NEBL: variants seen among roughly 807,000 people sequenced by gnomAD.
NEBL encodes nebulette, also known as LIM and SH3 protein 2.
NEBL carries 122 observed loss-of-function variants against 140.2 expected under a neutral mutation model. The observed-to-expected ratio is 0.87, with a 90% CI of 0.75 to 1.01. The LOEUF is 1.01. Ranked by LOEUF, NEBL falls within the 50% of genes least tolerant of loss-of-function variation. The probability of loss-of-function intolerance (pLI) is 0.00; values close to 1 mark genes in which losing one functional copy is unlikely to be tolerated. For missense variants in NEBL, 1,365 were observed against 1,231.3 expected (o/e 1.11, Z -1.62); for synonymous variants, 436 against 398.9 (o/e 1.09, Z -1.11).
Position 20,860,561 on chromosome 10 carries a change from C to CAAAAAAAAAAAAAAAA in NEBL, c.685-736_685-735insTTTTTTTTTTTTTTTT, listed in dbSNP as rs879306514. Among the ~76,000 whole-genome samples, 4 of 61,934 alleles carry CAAAAAAAAAAAAAAAA rather than the reference C, an allele frequency of 6.5e-5. 2 individuals carry two copies. The highest frequency in any genetic ancestry group is 1.3e-4 in the African/African-American group (2 of 15,158). 40.6% of individuals were successfully genotyped at this position (61,934 alleles called of 152,430 possible). ...TTAGAATATAAACACAAGTTCACTACAAAAAGAAAAAAAAAAAAAAAAAAA... is the reference window on the plus strand; with the variant it reads ...TTAGAATATAAACACAAGTTCACTACAAAAAAAAAAAAAAAAAAAAAGAAAAAAAAAAAAAAAAAAA... On this transcript the variant is annotated intron_variant, in intron 7 of 27. Transcript: ENST00000377122.
intron 3 of NEBL, chr10:20,961,890 C>A: frequency 1.2e-6 from 1 of 805,042 alleles, no homozygotes; most frequent in Non-Finnish European, 2.1e-6. Flanking sequence ...AAACACAGAT[C>A]TCAGCCGGAG....
At chr10:21,020,324 G>T in intron 2 of NEBL, 2 of 815,782 alleles carry the variant, frequency 2.5e-6, no homozygotes, top group Non-Finnish European at 4.1e-6. Context: ...AGGGACCTGA[G>T]CTTGGCTAAG....
At chr10:21,222,216 T>C (rs1207384144) in intron 3 of NEBL, among the ~76,000 whole-genome samples, 1 of 150,790 alleles carries the variant, frequency 6.6e-6, no homozygotes, top group African/African-American at 2.4e-5. Context: ...GAGGCCGAGG[T>C]GGGAGAATCG....
intron 26 of NEBL, among the ~76,000 whole-genome samples, chr10:20,802,306 T>C (rs755118423): frequency 6.6e-6 from 1 of 152,188 alleles, no homozygotes; most frequent in South Asian, 2.1e-4. Flanking sequence ...AGGATCCTTT[T>C]CACCAAAGGA....
chr10:20,810,961 A>G (rs1838082029), intron 24 of NEBL, among the ~76,000 whole-genome samples: 1 of 152,214 alleles, frequency 6.6e-6, no homozygotes. Flanking sequence ...AGCTTGGCCA[A>G]GGTTACACAG....
intron 2 of NEBL, among the ~76,000 whole-genome samples, chr10:21,083,876 T>C (rs1394268345): frequency 2.6e-5 from 4 of 152,120 alleles, no homozygotes; most frequent in African/African-American, 9.7e-5. Context: ...GCTACACTCT[T>C]ACAGGTCTGC....
chr10:21,090,911 C>T (rs975656376), intron 2 of NEBL, among the ~76,000 whole-genome samples: 6 of 152,148 alleles, frequency 3.9e-5, no homozygotes, highest in African/African-American at 7.2e-5. Flanking sequence ...CAGACACTTC[C>T]GGCTCAACAA....
intron 1 of NEBL, among the ~76,000 whole-genome samples, chr10:21,279,042 A>G (rs1453497863): frequency 6.6e-6 from 1 of 152,168 alleles, no homozygotes; most frequent in Non-Finnish European, 1.5e-5. Context: ...TTATGTGTGT[A>G]CTGTGCCTTA....
intron 2 of NEBL, among the ~76,000 whole-genome samples, chr10:21,250,161 T>C (rs1205139671): frequency 6.6e-6 from 1 of 152,202 alleles, no homozygotes; most frequent in Non-Finnish European, 1.5e-5. Flanking sequence ...TGATCCTTGG[T>C]GTGTCTGTGA....
chr10:20,896,887 C>A, intron 2 of NEBL, 71 bp downstream of exon 2: 1 of 1,255,116 alleles, frequency 8.0e-7, no homozygotes, highest in South Asian at 1.2e-5. Context: ...CCCCACAGCT[C>A]TATGACTCTA....
At chr10:21,215,569 A>G (rs1406483855) in intron 3 of NEBL, among the ~76,000 whole-genome samples, 3 of 152,244 alleles carry the variant, frequency 2.0e-5, no homozygotes, top group African/African-American at 7.2e-5. Context: ...TGCAAGTGCC[A>G]CAAAAGGCAA....
Position 21,057,296 on chromosome 10 carries a change from A to ATG in NEBL, c.165-37097_165-37096dup, listed in dbSNP as rs112107727. Among the ~76,000 whole-genome samples, 39 of 152,192 alleles carry ATG rather than the reference A, an allele frequency of 2.6e-4. 1 individual carries two copies. Among genetic ancestry groups the ATG allele is most frequent in the African/African-American group, 8.7e-4 (36 of 41,532 alleles). Reference sequence around the variant, plus strand: ...TGACTTTTGGCGGTAAGGCAGAGTAATGTGTGTAAGTAGTATTAATAGCAG... The same window carrying ATG: ...TGACTTTTGGCGGTAAGGCAGAGTAATGTGTGTGTAAGTAGTATTAATAGCAG... On this transcript the variant is annotated intron_variant, in intron 2 of 6. Coordinates refer to the NEBL transcript ENST00000417816.
At chr10:21,147,964 T>C (rs1839973149) in intron 2 of NEBL, among the ~76,000 whole-genome samples, 1 of 152,226 alleles carries the variant, frequency 6.6e-6, no homozygotes, top group Non-Finnish European at 1.5e-5. Context: ...GATACAATAA[T>C]GTCCAGAAAA....
chr10:21,153,707 G>A (rs918021857), intron 2 of NEBL, among the ~76,000 whole-genome samples: 1 of 151,922 alleles, frequency 6.6e-6, no homozygotes, highest in African/African-American at 2.4e-5. Context: ...GTACAGACGG[G>A]GTTTCACCAT....
intron 7 of NEBL, among the ~76,000 whole-genome samples, chr10:20,861,528 C>T (rs1235485535): frequency 6.6e-6 from 1 of 152,148 alleles, no homozygotes. Flanking sequence ...ACCATATTTT[C>T]GTCACTGGTT....
At chr10:20,989,515 T>C (rs915583175) in intron 3 of NEBL, among the ~76,000 whole-genome samples, 1 of 152,186 alleles carries the variant, frequency 6.6e-6, no homozygotes, top group African/African-American at 2.4e-5. Flanking sequence ...CAGTAATTTA[T>C]ATGGATGAAT....
At chr10:21,062,846 T>C (rs1320470873) in intron 2 of NEBL, among the ~76,000 whole-genome samples, 2 of 152,108 alleles carry the variant, frequency 1.3e-5, no homozygotes, top group East Asian at 3.9e-4. Context: ...GTAACAATGC[T>C]GTGATATCAA....
At chr10:21,065,342 T>C (rs1835487399) in intron 2 of NEBL, among the ~76,000 whole-genome samples, 2 of 152,238 alleles carry the variant, frequency 1.3e-5, no homozygotes, top group Non-Finnish European at 2.9e-5. Flanking sequence ...CTTCACACTT[T>C]GCAATACTCT....
intron 2 of NEBL, among the ~76,000 whole-genome samples, chr10:21,056,155 G>A (rs1394868416): frequency 2.0e-5 from 3 of 152,182 alleles, no homozygotes; most frequent in African/African-American, 7.2e-5. Context: ...GCTTTTAACG[G>A]TAGAGAATAT....
Sources: gnomAD v4.1 joint callset for allele counts (sites outside exome capture counted in the v4.1 genomes callset) on GRCh38, gnomAD v4.1.1 for gene constraint, MANE v1.5 for transcripts, NCBI Gene and HGNC (gene_info 2026-07-23, HGNC 2026-07-21) for gene names.